The following SMYD1 variants were observed in gnomAD, a reference collection of about 807,000 sequenced individuals.
The protein encoded by SMYD1 is histone-lysine N-methyltransferase SMYD1.
In SMYD1, 49 loss-of-function variants were observed where a neutral mutation model predicts 54.0. That is an observed-to-expected ratio of 0.91 (90% CI 0.72 to 1.15). SMYD1 has a LOEUF of 1.15. SMYD1 is among the 50% of genes most tolerant of loss of function. SMYD1 has a pLI of 0.00. For synonymous variants in SMYD1, 269 were observed against 234.2 expected (o/e 1.15, Z -1.36); for missense variants, 653 against 639.6 (o/e 1.02, Z -0.23).
In SMYD1 at chr2:88,112,131, G is replaced by T; in HGVS notation, c.*1619G>T. On this transcript the variant is annotated 3_prime_UTR_variant, in exon 10 of 10. Transcript: ENST00000419482. ...TACAAGAAGACTGATAGTCTTTCAA[G>T]CCCCCACATCACAGGCTTAGGGACG... 1 of 703,360 alleles carries T rather than the reference G, an allele frequency of 1.4e-6. No homozygotes were observed. The highest frequency in any genetic ancestry group is 2.6e-6 in the Non-Finnish European group (1 of 385,082). The allele number at this position is 703,360 out of a possible 1,614,324, so 43.6% of individuals were successfully genotyped here.
chr2:88,106,096 G>A (rs762136706), intron 7 of SMYD1, among the ~76,000 whole-genome samples: 2 of 151,912 alleles, frequency 1.3e-5, no homozygotes, highest in African/African-American at 4.8e-5. Flanking sequence ...GAAACTCCTC[G>A]CTGTGCTGCA....
intron 1 of SMYD1, among the ~76,000 whole-genome samples, chr2:88,075,534 C>CTTTTT (rs35091980): frequency 1.9e-5 from 2 of 103,580 alleles, no homozygotes; most frequent in Admixed American, 1.1e-4. Flanking sequence ...CCTTTTAATT[C>CTTTTT]TTTTTTTTTT....
chr2:88,084,195 T>G (rs916033202), intron 1 of SMYD1, 121 bp from the exon 2 acceptor site: 4 of 767,916 alleles, frequency 5.2e-6, no homozygotes, highest in Non-Finnish European at 7.8e-6. Context: ...GGTGGAAATC[T>G]GAAGTTTAGA....
intron 8 of SMYD1, among the ~76,000 whole-genome samples, chr2:88,107,744 G>T (rs984988569): frequency 3.3e-5 from 5 of 152,238 alleles, no homozygotes; most frequent in African/African-American, 4.8e-5. Context: ...CTCCGAGCGA[G>T]GCGTGGGATA....
chr2:88,068,602 G>C (rs956482802), intron 1 of SMYD1, among the ~76,000 whole-genome samples: 6 of 145,644 alleles, frequency 4.1e-5, no homozygotes, highest in African/African-American at 1.6e-4. Context: ...GATGGCTGTA[G>C]TCTGTCTGGT....
At chr2:88,108,705 A>G (rs1417236723) in intron 9 of SMYD1, among the ~76,000 whole-genome samples, 166 bp downstream of exon 9, 1 of 152,218 alleles carries the variant, frequency 6.6e-6, no homozygotes, top group Admixed American at 6.5e-5. Flanking sequence ...TAGACTGTTC[A>G]TGTTACCCTA....
At chr2:88,075,604 C>G (rs1674044812) in intron 1 of SMYD1, among the ~76,000 whole-genome samples, 1 of 142,308 alleles carries the variant, frequency 7.0e-6, no homozygotes, top group Non-Finnish European at 1.5e-5. Flanking sequence ...ATGGCACAAT[C>G]ATGGCTCATT....
chr2:88,081,256 G>A (rs896636492), intron 1 of SMYD1, among the ~76,000 whole-genome samples: 1 of 151,984 alleles, frequency 6.6e-6, no homozygotes, highest in Admixed American at 6.6e-5. Flanking sequence ...AGATGCATAT[G>A]TCAGAACCTA....
intron 6 of SMYD1, 38 bp from the exon 7 acceptor site, chr2:88,103,020 T>A (rs762554587): frequency 5.1e-6 from 8 of 1,569,466 alleles, no homozygotes; most frequent in Non-Finnish European, 6.1e-6. Flanking sequence ...GGTTGCCTCA[T>A]GAAGGCATCT....
At chr2:88,079,772 G>A (rs548830764) in intron 1 of SMYD1, among the ~76,000 whole-genome samples, 56 of 152,320 alleles carry the variant, frequency 3.7e-4, no homozygotes, top group African/African-American at 1.3e-3. Context: ...AGTGAGCCGA[G>A]ATCATGTCAT....
At chr2:88,078,850 A>G (rs930769708) in intron 1 of SMYD1, among the ~76,000 whole-genome samples, 1 of 152,250 alleles carries the variant, frequency 6.6e-6, no homozygotes. Flanking sequence ...GGGCATAGAG[A>G]GAAGCTCAGC....
chr2:88,103,731 G>A (rs984198248), intron 7 of SMYD1, among the ~76,000 whole-genome samples: 4 of 152,096 alleles, frequency 2.6e-5, no homozygotes, highest in Admixed American at 6.6e-5. Context: ...AACCAAAGCC[G>A]AGACCCACTG....
intron 1 of SMYD1, 109 bp downstream of exon 1, chr2:88,068,110 C>A: frequency 7.1e-7 from 1 of 1,415,536 alleles, no homozygotes; most frequent in Non-Finnish European, 9.5e-7. Context: ...TTCATGTGCT[C>A]TTTTTTCAAC....
chr2:88,110,612 A>G lies in SMYD1; in HGVS notation c.*100A>G. 7.4e-7 allele frequency: 1 copy of G among 1,354,944 alleles called. No homozygotes were observed. The allele number at this position is 1,354,944 out of a possible 1,614,324, so 83.9% of individuals were successfully genotyped here. ...AGACCCCTAATGAGGAAGTTGAGGT[A>G]ATGCTTAACATTGTTGCTGTGAGAA... On this transcript the variant is annotated 3_prime_UTR_variant, in exon 10 of 10. Transcript: ENST00000419482.
rs1460464315 is a variant in SMYD1 at position 88,068,616 on chromosome 2, T to G, written c.137+615T>G. 2.0e-5 allele frequency among the ~76,000 whole-genome samples: 3 copies of G among 151,820 alleles called. No individual in the cohort carries two copies. The East Asian group carries it at 5.8e-4, about 29-fold the overall frequency. On this transcript the variant is annotated intron_variant, in intron 1 of 9. Coordinates refer to ENST00000419482, the MANE Select transcript of SMYD1 (RefSeq NM_198274.4). ...GGATGGCTGTAGTCTGTCTGGTTTTTTTTTTTTTTTTACAGAAATGGTGTC... is the reference window on the plus strand; with the variant it reads ...GGATGGCTGTAGTCTGTCTGGTTTTGTTTTTTTTTTTACAGAAATGGTGTC...
At position 88,108,484 on chromosome 2, in the gene SMYD1, A is replaced by G. The variant is rs1674936704; in HGVS notation, c.1259A>G (p.Tyr420Cys). The change falls in exon 9 of 10, where the codon TAT (tyrosine) becomes TGT (cysteine). Residue 420 changes from tyrosine (Y) to cysteine (C), a missense_variant. Physicochemically the swap from Tyr to Cys is radical, Grantham distance 194 (BLOSUM62 -2). Coordinates refer to ENST00000419482, the MANE Select transcript of SMYD1 (RefSeq NM_198274.4). ...EVGHGMICKA[Y>C]AILLVTHGPS... ...GGGCACGGGATGATCTGCAAAGCCT[A>G]TGCCATTCTCCTGGTGACACACGGA... 1 of 1,611,384 alleles carries G rather than the reference A, an allele frequency of 6.2e-7. No homozygotes were observed. Among genetic ancestry groups the G allele is most frequent in the African/African-American group, 1.3e-5 (1 of 74,854 alleles).
chr2:88,084,562 A>G (rs1426955532), intron 2 of SMYD1, 70 bp downstream of exon 2: 1 of 1,454,134 alleles, frequency 6.9e-7, no homozygotes, highest in Non-Finnish European at 9.3e-7. Flanking sequence ...CAGTAACAAC[A>G]TTCCCAGATC....
chr2:88,071,825 T>C (rs1450550586), intron 1 of SMYD1, among the ~76,000 whole-genome samples: 1 of 152,066 alleles, frequency 6.6e-6, no homozygotes, highest in African/African-American at 2.4e-5. Flanking sequence ...CCTTTAACTC[T>C]CCACTCTGAG....
At chr2:88,076,775 G>A (rs1674076155) in intron 1 of SMYD1, among the ~76,000 whole-genome samples, 1 of 152,328 alleles carries the variant, frequency 6.6e-6, no homozygotes, top group South Asian at 2.1e-4. Flanking sequence ...GGGAAGCTGA[G>A]GCAGGCGGAT....
Sources: gnomAD v4.1 joint callset for allele counts (sites outside exome capture counted in the v4.1 genomes callset) on GRCh38, gnomAD v4.1.1 for gene constraint, MANE v1.5 for transcripts, NCBI Gene and HGNC (gene_info 2026-07-23, HGNC 2026-07-21) for gene names.